WDR11: variants seen among roughly 807,000 people sequenced by gnomAD.
WDR11 encodes the protein WD repeat domain 11, also known as WD repeat-containing protein 11.
A neutral mutation model predicts 151.2 loss-of-function variants in WDR11; 83 were observed. That is an observed-to-expected ratio of 0.55 (90% CI 0.46 to 0.66). WDR11 has a LOEUF of 0.66. WDR11 is among the 30% of genes least tolerant of loss of function. The pLI, the probability that WDR11 is intolerant of heterozygous loss-of-function variation, is 0.00. For synonymous variants in WDR11, 484 were observed against 533.1 expected, an observed-to-expected ratio of 0.91 and a Z score of 1.27; for missense variants, 1,301 against 1,480.9, an observed-to-expected ratio of 0.88 and a Z score of 1.99.
At chr10:120,902,410 T>A in intron 22 of WDR11, 88 bp downstream of exon 22, 3 of 1,169,746 alleles carry the variant, frequency 2.6e-6, no homozygotes, top group Non-Finnish European at 2.5e-6. Flanking sequence ...AACACTTAGA[T>A]TTTAGAAAAA....
chr10:120,901,564 TGTACTGGGAATAA>T (rs1847816728), intron 21 of WDR11, among the ~76,000 whole-genome samples: 1 of 152,142 alleles, frequency 6.6e-6, no homozygotes, highest in Non-Finnish European at 1.5e-5. Flanking sequence ...TTTAACAGAA[TGTACTGGGAATAA>T]GAAAGGAAAA....
intron 5 of WDR11, among the ~76,000 whole-genome samples, chr10:120,864,213 A>T (rs1846236053): frequency 6.6e-6 from 1 of 152,142 alleles, no homozygotes; most frequent in Non-Finnish European, 1.5e-5. Flanking sequence ...ACTCAAGCTC[A>T]CCCAACTAGG....
At position 120,908,579 on chromosome 10, in the gene WDR11, G is replaced by T; in HGVS notation, c.3541G>T (p.Ala1181Ser). 6.2e-7 allele frequency: 1 copy of T among 1,614,142 alleles called. No homozygotes were observed. Among genetic ancestry groups the T allele is most frequent in the East Asian group, 2.2e-5 (1 of 44,886 alleles). The change falls in exon 29 of 29, where the codon GCA (alanine) becomes TCA (serine). Residue 1181 changes from alanine (A) to serine (S), a missense_variant. Transcript: ENST00000263461. ...DTEKLITAIY[A>S]DYARSLKNLG... ...ACAGAAACTCATCACTGCTATATATGCAGATTATGCCCGGAGTTTGAAGAA... is the reference window on the plus strand; with the variant it reads ...ACAGAAACTCATCACTGCTATATATTCAGATTATGCCCGGAGTTTGAAGAA...
At chr10:120,853,246 T>C (rs1179550633) in intron 2 of WDR11, among the ~76,000 whole-genome samples, 1 of 152,156 alleles carries the variant, frequency 6.6e-6, no homozygotes, top group African/African-American at 2.4e-5. Flanking sequence ...TCCTGAAGTT[T>C]TGTAAGATTA....
intron 5 of WDR11, among the ~76,000 whole-genome samples, chr10:120,863,706 G>A (rs899414808): frequency 6.6e-6 from 1 of 151,986 alleles, no homozygotes; most frequent in African/African-American, 2.4e-5. Context: ...TTTTCAGATA[G>A]CCTTTATTTT....
chr10:120,906,634 AG>A, intron 27 of WDR11, 141 bp from the exon 28 acceptor site: 12 of 1,538,202 alleles, frequency 7.8e-6, no homozygotes, highest in Non-Finnish European at 1.1e-5. Flanking sequence ...TCAACAAACT[AG>A]GGCTTAGAAA....
chr10:120,896,966 G>A (rs35980300), intron 19 of WDR11, among the ~76,000 whole-genome samples: 19,534 of 152,170 alleles, frequency 0.13, 1,377 homozygotes, highest in South Asian at 0.17. Context: ...AGGAGCCAGA[G>A]CTCTTTGGAC....
At position 120,890,773 on chromosome 10, in the gene WDR11, G is replaced by A; in HGVS notation, c.2401G>A (p.Val801Met). 1 of 1,614,222 alleles carries A rather than the reference G, an allele frequency of 6.2e-7. No individual in the cohort carries two copies. Among genetic ancestry groups the A allele is most frequent in the Non-Finnish European group, 8.5e-7 (1 of 1,180,050 alleles). ...GRNVTFRILD[V>M]DWCTSDKVIL... is the part of the protein sequence containing the mutation. ...AAATGTGACCTTTCGTATATTGGATGTGGACTGGTGTACGTCAGATAAAGT... is the reference window on the plus strand; with the variant it reads ...AAATGTGACCTTTCGTATATTGGATATGGACTGGTGTACGTCAGATAAAGT... The change falls in exon 19 of 29, where the codon GTG becomes ATG. Residue 801 changes from valine to methionine, a missense_variant. By Grantham distance (21) the Val-to-Met change is conservative. This residue lies in a region of WDR11 where 589 missense variants were observed against 670.6 expected (regional missense o/e 0.88). Coordinates refer to ENST00000263461, the MANE Select transcript of WDR11 (RefSeq NM_018117.12).
At position 120,903,120 on chromosome 10, in the gene WDR11, C is replaced by G. The variant is rs771933292; in HGVS notation, c.2819C>G (p.Ser940Cys). 2 of 1,614,152 alleles carry G rather than the reference C, an allele frequency of 1.2e-6. No individual in the cohort carries two copies. The highest frequency in any genetic ancestry group is 1.7e-6 in the Non-Finnish European group (2 of 1,180,030). ...GCTGCCCACTACCTGCACAGCTTATCCCAGGAAAAGTCAGCCAGCACAACA... is the reference window on the plus strand; with the variant it reads ...GCTGCCCACTACCTGCACAGCTTATGCCAGGAAAAGTCAGCCAGCACAACA... ...TVAAHYLHSL[S>C]QEKSASTTAP... The change falls in exon 23 of 29, where the codon TCC (serine) becomes TGC (cysteine). Residue 940 changes from serine (S) to cysteine (C), a missense_variant. By Grantham distance (112) the Ser-to-Cys change is moderately radical (BLOSUM62 -1). Around this residue, in one of 3 missense-constraint regions of WDR11, gnomAD observed 589 missense variants for 670.6 expected, o/e 0.88. Transcript: ENST00000263461.
intron 12 of WDR11, chr10:120,880,022 A>G (rs554876065): frequency 3.2e-4 from 48 of 152,348 alleles, no homozygotes; most frequent in African/African-American, 1.1e-3. Context: ...TGAGAGGAAC[A>G]TGTTCAAAAT....
At chr10:120,898,426 A>G (rs6585673) in intron 19 of WDR11, among the ~76,000 whole-genome samples, 47,187 of 152,004 alleles carry the variant, frequency 0.31, 7,625 homozygotes, top group East Asian at 0.42. Context: ...AAATTAGACA[A>G]ACATTCATTT....
chr10:120,875,510 TTTTG>T (rs1214152678), intron 11 of WDR11, among the ~76,000 whole-genome samples: 2 of 152,192 alleles, frequency 1.3e-5, no homozygotes, highest in Admixed American at 1.3e-4. Flanking sequence ...ATTTCCACTT[TTTTG>T]TTTGTTTTTT....
Position 120,908,656 on chromosome 10 carries a change from T to A in WDR11, c.3618T>A (p.Ala1206=). 1 of 1,614,218 alleles carries A rather than the reference T, an allele frequency of 6.2e-7. No homozygotes were observed. Among genetic ancestry groups the A allele is most frequent in the Non-Finnish European group, 8.5e-7 (1 of 1,180,036 alleles). The change falls in exon 29 of 29, where the codon GCT becomes GCA. Residue 1206 remains alanine (A), a synonymous_variant. Coordinates refer to ENST00000263461, the MANE Select transcript of WDR11 (RefSeq NM_018117.12). ...TCTTTGCTTCAAAAGCCGGAGCAGC[T>A]GGCAAAGACTTATTGAATGAGCTTG... The part of the protein sequence containing the change: ...AVLFASKAGA[A]GKDLLNELES...
At chr10:120,899,994 C>A in intron 19 of WDR11, 35 bp from the exon 20 acceptor site, 1 of 1,557,908 alleles carries the variant, frequency 6.4e-7, no homozygotes. Flanking sequence ...TATAAAACTT[C>A]ATTTTATTTT....
Position 120,906,836 on chromosome 10 carries a change from T to C in WDR11, c.3498T>C (p.Phe1166=). 1 of 1,614,200 alleles carries C rather than the reference T, an allele frequency of 6.2e-7. No homozygotes were observed. The highest frequency in any genetic ancestry group is 1.1e-5 in the South Asian group (1 of 91,088). Residue 1166 remains phenylalanine, a synonymous_variant, in exon 28 of 29, where the codon TTT becomes TTC. Transcript: ENST00000263461. ...AAGCTTGCCTCAAGTATGGAGCATT[T>C]GAAGTCACTGAGGACACAGATATCC... ...FVEACLKYGA[F]EVTEDTEKLI... is the part of the protein sequence containing the mutation.
At chr10:120,897,830 T>A (rs769609981) in intron 19 of WDR11, among the ~76,000 whole-genome samples, 1 of 152,214 alleles carries the variant, frequency 6.6e-6, no homozygotes, top group Non-Finnish European at 1.5e-5. Context: ...AACAAGGGAC[T>A]TTTGAATTTG....
chr10:120,858,837 C>T lies in WDR11; in HGVS notation c.352+41C>T, dbSNP rs766348087. 5 of 1,613,190 alleles carry T rather than the reference C, an allele frequency of 3.1e-6. No homozygotes were observed. In the South Asian group the frequency reaches 4.4e-5, roughly 14 times the overall value. On this transcript the variant is annotated intron_variant, in intron 3 of 28. Coordinates refer to ENST00000263461, the MANE Select transcript of WDR11 (RefSeq NM_018117.12). Reference sequence around the variant, plus strand: ...TCAGCTAAGTGTGTATATTGATACACTTACTCTTGGAGTGGTTTTTTGGTT... The same window carrying T: ...TCAGCTAAGTGTGTATATTGATACATTTACTCTTGGAGTGGTTTTTTGGTT...
At position 120,885,392 on chromosome 10, in the gene WDR11, A is replaced by C. The variant is rs182664844; in HGVS notation, c.1849-422A>C. 1.8e-3 allele frequency among the ~76,000 whole-genome samples: 275 copies of C among 152,226 alleles called. 4 individuals carry two copies. The highest frequency in any genetic ancestry group is 0.017 in the Admixed American group (263 of 15,268). On this transcript the variant is annotated intron_variant, in intron 14 of 28. Coordinates refer to ENST00000263461, the MANE Select transcript of WDR11 (RefSeq NM_018117.12). ...TACATATGCGAGGATATTGGACTAAAAGGCTTTACAATAGGTGGAATATAA... is the reference window on the plus strand; with the variant it reads ...TACATATGCGAGGATATTGGACTAACAGGCTTTACAATAGGTGGAATATAA...
At chr10:120,905,289 CACT>C (rs777277714) in intron 25 of WDR11, 27 bp from the exon 26 acceptor site, 1 of 1,608,188 alleles carries the variant, frequency 6.2e-7, no homozygotes, top group Admixed American at 1.7e-5. Context: ...GCTGCAGTGT[CACT>C]TAAGGGGATG....
Sources: allele counts gnomAD v4.1 joint callset (sites outside exome capture counted in the v4.1 genomes callset), GRCh38; gene constraint gnomAD v4.1.1; regional missense constraint gnomAD v4.1.1; transcripts MANE v1.5; gene names NCBI Gene and HGNC (gene_info 2026-07-23, HGNC 2026-07-21).